Variants in EFCAB5 observed in about 807,000 individuals in gnomAD.
EFCAB5 encodes EF-hand calcium-binding domain-containing protein 5.
In EFCAB5, 131 loss-of-function variants were observed where a neutral mutation model predicts 167.9. That is an observed-to-expected ratio of 0.78 (90% CI 0.68 to 0.90). EFCAB5 has a LOEUF of 0.90. Among genes scored for constraint, EFCAB5 ranks in the 40% least tolerant of loss-of-function variants. The probability of loss-of-function intolerance (pLI) is 0.00; values close to 1 mark genes in which losing one functional copy is unlikely to be tolerated. For synonymous variants in EFCAB5, 574 were observed against 602.8 expected (o/e 0.95, Z 0.70); for missense variants, 1,663 against 1,745.2 (o/e 0.95, Z 0.84).
chr17:29,952,327 A>G (rs1257591637), intron 3 of EFCAB5, among the ~76,000 whole-genome samples: 1 of 152,216 alleles, frequency 6.6e-6, no homozygotes, highest in Non-Finnish European at 1.5e-5. Flanking sequence ...ATTGGGTCTT[A>G]GGTTCCAACA....
chr17:29,988,404 C>T (rs963282384), intron 4 of EFCAB5, among the ~76,000 whole-genome samples: 4 of 152,086 alleles, frequency 2.6e-5, no homozygotes, highest in South Asian at 4.1e-4. Flanking sequence ...GCAGTCAATA[C>T]CTCAGTTACA....
At chr17:30,067,024 T>G (rs945521921) in intron 14 of EFCAB5, among the ~76,000 whole-genome samples, 2 of 152,160 alleles carry the variant, frequency 1.3e-5, no homozygotes, top group African/African-American at 4.8e-5. Context: ...ATAAAATGTC[T>G]CTCATCAAAG....
chr17:29,930,474 G>A (rs961513549), intron 1 of EFCAB5, among the ~76,000 whole-genome samples: 1 of 152,120 alleles, frequency 6.6e-6, no homozygotes, highest in African/African-American at 2.4e-5. Context: ...AGGGCGGGGG[G>A]CCGCTGGAGT....
At chr17:29,957,878 T>C (rs888030192) in intron 3 of EFCAB5, among the ~76,000 whole-genome samples, 1 of 152,188 alleles carries the variant, frequency 6.6e-6, no homozygotes, top group Non-Finnish European at 1.5e-5. Context: ...GGTCAAATGG[T>C]ATTTCTGGTT....
intron 7 of EFCAB5, among the ~76,000 whole-genome samples, chr17:30,023,547 C>T (rs975556014): frequency 1.1e-4 from 16 of 152,036 alleles, no homozygotes; most frequent in Non-Finnish European, 1.9e-4. Context: ...CAATAGCTTA[C>T]CAACCAAAAA....
chr17:30,100,196 A>G (rs527425153), intron 22 of EFCAB5, among the ~76,000 whole-genome samples: 2 of 152,250 alleles, frequency 1.3e-5, no homozygotes, highest in African/African-American at 2.4e-5. Flanking sequence ...CTTTCACTCA[A>G]CTAAAATTAT....
chr17:30,048,593 C>T lies in EFCAB5; in HGVS notation c.1201-2525C>T, dbSNP rs968900339. Among the ~76,000 whole-genome samples the T allele has an allele frequency of 2.6e-5, 4 of 151,410 alleles. No homozygotes were observed. In the East Asian group the frequency reaches 7.8e-4, roughly 29 times the overall value. ...CACTGCAACATCCACCTCCTGGGTT[C>T]GAGCGATTCTCCTACCTCAGCCTCC... On this transcript the variant is annotated intron_variant, in intron 8 of 22. Transcript: ENST00000394835.
chr17:29,937,173 C>T (rs1292228699), upstream of EFCAB5, among the ~76,000 whole-genome samples: 1 of 152,026 alleles, frequency 6.6e-6, no homozygotes, highest in Non-Finnish European at 1.5e-5. Flanking sequence ...TGTGAGGTAG[C>T]TTTCATCACT....
intron 14 of EFCAB5, among the ~76,000 whole-genome samples, chr17:30,076,154 T>G (rs2070864106): frequency 6.6e-6 from 1 of 152,150 alleles, no homozygotes; most frequent in South Asian, 2.1e-4. Flanking sequence ...CTGTTTTAGC[T>G]GCACTATCAT....
At chr17:29,940,548 G>A (rs894553070), upstream of EFCAB5, among the ~76,000 whole-genome samples, 2 of 152,148 alleles carry the variant, frequency 1.3e-5, no homozygotes, top group Non-Finnish European at 2.9e-5. Context: ...TTCAGGAGAT[G>A]GACACCATAA....
intron 8 of EFCAB5, among the ~76,000 whole-genome samples, chr17:30,042,210 T>A (rs964579301): frequency 6.6e-6 from 1 of 152,070 alleles, no homozygotes; most frequent in Non-Finnish European, 1.5e-5. Flanking sequence ...GGTTTTGCCA[T>A]GTTGGCCAGG....
intron 7 of EFCAB5, chr17:30,031,700 T>G (rs2069483740): frequency 6.6e-6 from 1 of 152,186 alleles, no homozygotes; most frequent in African/African-American, 2.4e-5. Context: ...AGCTAAGAAC[T>G]TAACTGTGTG....
chr17:30,079,160 T>C (rs1372271937), intron 15 of EFCAB5, among the ~76,000 whole-genome samples: 3 of 152,214 alleles, frequency 2.0e-5, no homozygotes, highest in African/African-American at 7.2e-5. Context: ...TAAATAGCGA[T>C]ACTTGCTCAA....
rs578085090 is a variant in EFCAB5, at chr17:29,960,214, G to A, written c.191-8577G>A. ...AGGCCACTGCTGGGGGATGGAGGAGGGGTGGTATACGCATTTCAAGACTGT... is the reference window on the plus strand; with the variant it reads ...AGGCCACTGCTGGGGGATGGAGGAGAGGTGGTATACGCATTTCAAGACTGT... On this transcript the variant is annotated intron_variant, in intron 3 of 22. Transcript: ENST00000394835. Among the ~76,000 whole-genome samples, 7 of 152,256 alleles carry A rather than the reference G, an allele frequency of 4.6e-5. No individual in the cohort carries two copies. The East Asian group carries it at 1.2e-3, about 25-fold the overall frequency.
At chr17:29,995,451 G>T (rs1254060588) in intron 5 of EFCAB5, among the ~76,000 whole-genome samples, 1 of 152,164 alleles carries the variant, frequency 6.6e-6, no homozygotes, top group Admixed American at 6.5e-5. Context: ...ACCAACCATT[G>T]CTTTGATTGT....
At chr17:30,058,954 T>G (rs1395193930) in intron 13 of EFCAB5, 1 of 149,104 alleles carries the variant, frequency 6.7e-6, no homozygotes, top group Non-Finnish European at 1.5e-5. Context: ...AAAAGAATGG[T>G]CAAAGATTCT....
chr17:29,980,324 T>C (rs1466072068), intron 4 of EFCAB5, among the ~76,000 whole-genome samples: 1 of 152,248 alleles, frequency 6.6e-6, no homozygotes, highest in African/African-American at 2.4e-5. Flanking sequence ...TACAGTCTAT[T>C]TGAGGAAATA....
chr17:30,044,849 C>T (rs2069875936), intron 8 of EFCAB5, among the ~76,000 whole-genome samples: 1 of 152,166 alleles, frequency 6.6e-6, no homozygotes, highest in African/African-American at 2.4e-5. Context: ...AAGACTTATA[C>T]ATGACTGTTC....
chr17:30,105,700 A>G (rs2151863149), intron 22 of EFCAB5, among the ~76,000 whole-genome samples: 1 of 152,344 alleles, frequency 6.6e-6, no homozygotes, highest in East Asian at 1.9e-4. Flanking sequence ...ATAATCTGGA[A>G]AGAATTTTAG....
Sources: gnomAD v4.1 joint callset for allele counts (sites outside exome capture counted in the v4.1 genomes callset) on GRCh38, gnomAD v4.1.1 for gene constraint, MANE v1.5 for transcripts, NCBI Gene and HGNC (gene_info 2026-07-23, HGNC 2026-07-21) for gene names.